Variants in SYNDIG1L observed in about 807,000 individuals in gnomAD.
The protein encoded by SYNDIG1L is synapse differentiation inducing 1 like.
Under a neutral mutation model 20.1 loss-of-function variants are expected in SYNDIG1L, and 13 were observed. The ratio of observed to expected loss-of-function variants is 0.65; its 90% CI spans 0.42 to 1.03. The LOEUF is 1.03. Ranked by LOEUF, SYNDIG1L falls within the 50% of genes least tolerant of loss-of-function variation. The pLI is 0.00. For synonymous variants in SYNDIG1L, 128 were observed against 129.3 expected, an observed-to-expected ratio of 0.99 and a Z score of 0.07; for missense variants, 294 against 305.1, an observed-to-expected ratio of 0.96 and a Z score of 0.27.
intron 2 of SYNDIG1L, among the ~76,000 whole-genome samples, chr14:74,408,766 C>T (rs1192880272): frequency 6.6e-6 from 1 of 152,092 alleles, no homozygotes; most frequent in Non-Finnish European, 1.5e-5. Context: ...AGCAAGATTT[C>T]TTCTGGGGAG....
At chr14:74,448,657 A>G in the SYNDIG1L span, among the ~76,000 whole-genome samples, 1 of 152,328 alleles carries the variant, frequency 6.6e-6, no homozygotes, top group East Asian at 1.9e-4. Context: ...ATAAATTTAA[A>G]AGGATTCAAG....
At chr14:74,446,888 A>T in the SYNDIG1L span, among the ~76,000 whole-genome samples, 1 of 152,082 alleles carries the variant, frequency 6.6e-6, no homozygotes, top group African/African-American at 2.4e-5. Context: ...AAGTCCTAGG[A>T]TTACAGGTGT....
At chr14:74,465,952 C>G in the SYNDIG1L span, among the ~76,000 whole-genome samples, 1 of 152,212 alleles carries the variant, frequency 6.6e-6, no homozygotes, top group Non-Finnish European at 1.5e-5. Flanking sequence ...CAAAGCTCCA[C>G]CAGCCCGGTC....
chr14:74,433,158 G>T, the SYNDIG1L span, among the ~76,000 whole-genome samples: 6 of 151,946 alleles, frequency 3.9e-5, no homozygotes, highest in Admixed American at 2.0e-4. Context: ...GAGATGCTGT[G>T]GGGGGCTGGT....
chr14:74,441,114 A>G, the SYNDIG1L span, among the ~76,000 whole-genome samples: 3 of 152,246 alleles, frequency 2.0e-5, no homozygotes, highest in African/African-American at 7.2e-5. Flanking sequence ...AAGCAGCCAC[A>G]CTGCTACTGC....
the SYNDIG1L span, among the ~76,000 whole-genome samples, chr14:74,456,506 G>C: frequency 2.6e-5 from 4 of 152,076 alleles, no homozygotes; most frequent in African/African-American, 9.7e-5. Context: ...CCCAGCCTGG[G>C]CAACAAGAGC....
At chr14:74,479,328 T>G in the SYNDIG1L span, 19 of 152,220 alleles carry the variant, frequency 1.2e-4, no homozygotes, top group African/African-American at 4.3e-4. Context: ...CACAAGCACT[T>G]TGTATGAATG....
At chr14:74,433,406 C>G in the SYNDIG1L span, among the ~76,000 whole-genome samples, 5 of 150,708 alleles carry the variant, frequency 3.3e-5, no homozygotes, top group African/African-American at 1.2e-4. Context: ...TTTTTTGAGA[C>G]GGAGTCTTGC....
chr14:74,430,170 A>G (rs1418539568), upstream of SYNDIG1L, among the ~76,000 whole-genome samples: 1 of 152,160 alleles, frequency 6.6e-6, no homozygotes, highest in Non-Finnish European at 1.5e-5. Context: ...CATAAAGTGA[A>G]GGAATCCAGC....
intron 1 of SYNDIG1L, among the ~76,000 whole-genome samples, chr14:74,420,278 C>A (rs1414758884): frequency 6.6e-6 from 1 of 151,668 alleles, no homozygotes; most frequent in Non-Finnish European, 1.5e-5. Flanking sequence ...CACCTGTAAT[C>A]CCAGCTACTT....
chr14:74,467,892 G>A, the SYNDIG1L span, among the ~76,000 whole-genome samples: 1 of 152,030 alleles, frequency 6.6e-6, no homozygotes, highest in South Asian at 2.1e-4. Context: ...TCCATCCCCT[G>A]TCCATCCTAA....
chr14:74,467,949 G>C, the SYNDIG1L span, among the ~76,000 whole-genome samples: 1 of 152,138 alleles, frequency 6.6e-6, no homozygotes, highest in African/African-American at 2.4e-5. Context: ...GAGGTCCCAA[G>C]GTCCGGGGGG....
At chr14:74,411,420 G>A (rs996342868) in intron 1 of SYNDIG1L, among the ~76,000 whole-genome samples, 3 of 152,198 alleles carry the variant, frequency 2.0e-5, no homozygotes, top group African/African-American at 4.8e-5. Context: ...TCTCTGCTAA[G>A]GGTGAAGGGC....
chr14:74,450,407 C>T, the SYNDIG1L span, among the ~76,000 whole-genome samples: 38 of 152,192 alleles, frequency 2.5e-4, no homozygotes, highest in South Asian at 7.3e-3. Flanking sequence ...GAACAATATC[C>T]TGCATGAATA....
chr14:74,422,946 G>T (rs571213467), intron 1 of SYNDIG1L, among the ~76,000 whole-genome samples: 4 of 151,916 alleles, frequency 2.6e-5, no homozygotes, highest in African/African-American at 9.7e-5. Context: ...TGATCCACCC[G>T]CCTCAGCCTC....
the SYNDIG1L span, among the ~76,000 whole-genome samples, chr14:74,435,038 G>C: frequency 7.4e-6 from 1 of 134,280 alleles, no homozygotes; most frequent in Admixed American, 8.5e-5. Flanking sequence ...AGCCGAGATC[G>C]TGCCACTGCA....
chr14:74,468,582 A>G, the SYNDIG1L span, among the ~76,000 whole-genome samples: 1 of 151,984 alleles, frequency 6.6e-6, no homozygotes, highest in South Asian at 2.1e-4. Context: ...CCAGCCTCTC[A>G]GGCCCAGCTC....
chr14:74,408,114 C>T, intron 2 of SYNDIG1L, 125 bp from the exon 3 acceptor site: 1 of 1,204,292 alleles, frequency 8.3e-7, no homozygotes, highest in Non-Finnish European at 1.1e-6. Flanking sequence ...GTCTCTTCTG[C>T]CGCAGGTGGG....
chr14:74,435,479 CCAA>C, the SYNDIG1L span, among the ~76,000 whole-genome samples: 1 of 152,290 alleles, frequency 6.6e-6, no homozygotes, highest in East Asian at 1.9e-4. Flanking sequence ...TTGGCCAGGG[CCAA>C]CAGCTGGTTG....
Sources: gnomAD v4.1 joint callset for allele counts (sites outside exome capture counted in the v4.1 genomes callset) on GRCh38, gnomAD v4.1.1 for gene constraint, MANE v1.5 for transcripts, NCBI Gene and HGNC (gene_info 2026-07-23, HGNC 2026-07-21) for gene names.